CNNM2: variants seen among roughly 807,000 people sequenced by gnomAD.
CNNM2 encodes metal transporter CNNM2.
Under a neutral mutation model 66.9 loss-of-function variants are expected in CNNM2, and 12 were observed. That is an observed-to-expected ratio of 0.18 (90% CI 0.11 to 0.29). CNNM2 has a LOEUF of 0.29. CNNM2 is among the 10% of genes least tolerant of loss of function. The pLI, the probability that CNNM2 is intolerant of heterozygous loss-of-function variation, is 1.00. For synonymous variants in CNNM2, 557 were observed against 501.8 expected, an observed-to-expected ratio of 1.11 and a Z score of -1.47; for missense variants, 705 against 1,167.7, an observed-to-expected ratio of 0.60 and a Z score of 5.77.
intron 1 of CNNM2, among the ~76,000 whole-genome samples, chr10:102,995,172 C>CCCTTT (rs2063971034): frequency 2.0e-4 from 1 of 5,034 alleles, no homozygotes; most frequent in African/African-American, 6.7e-4. Context: ...TCCTCCTCCC[C>CCCTTT]CTCTTCCTCC....
At position 103,078,837 on chromosome 10, in the gene CNNM2, G is replaced by A. The variant is rs557553340; in HGVS notation, c.*1657G>A. The A allele has an allele frequency of 1.3e-3, 195 of 152,552 alleles. No individual in the cohort carries two copies. Among genetic ancestry groups the A allele is most frequent in the Non-Finnish European group, 2.5e-3 (170 of 68,200 alleles). The allele number at this position is 152,552 out of a possible 1,614,324, so 9.4% of individuals were successfully genotyped here. A position where few individuals can be genotyped will look rare whatever the true frequency, so the allele number is the denominator to read the frequency against. Reference sequence around the variant, plus strand: ...GTTCAGCCACGGCTGGGCTGTGTGCGGGGCAGGGAGCGTGGCTGAGGAGCA... The same window carrying A: ...GTTCAGCCACGGCTGGGCTGTGTGCAGGGCAGGGAGCGTGGCTGAGGAGCA... On this transcript the variant is annotated 3_prime_UTR_variant, in exon 8 of 8. Coordinates refer to ENST00000369878, the MANE Select transcript of CNNM2 (RefSeq NM_017649.5).
At chr10:102,937,776 A>G (rs1846291368) in intron 1 of CNNM2, among the ~76,000 whole-genome samples, 1 of 144,206 alleles carries the variant, frequency 6.9e-6, no homozygotes, top group Admixed American at 7.1e-5. Context: ...TTCTGGATGT[A>G]TACAGAAACC....
intron 1 of CNNM2, among the ~76,000 whole-genome samples, chr10:102,983,283 G>T (rs184889002): frequency 6.7e-6 from 1 of 148,964 alleles, no homozygotes; most frequent in East Asian, 1.9e-4. Context: ...GGAATTTTAG[G>T]TCTTAAATGG....
chr10:102,928,664 G>A (rs1234849684), intron 1 of CNNM2, among the ~76,000 whole-genome samples: 1 of 152,106 alleles, frequency 6.6e-6, no homozygotes, highest in Admixed American at 6.6e-5. Flanking sequence ...CTGGCGTCTG[G>A]TGAGAGCCTT....
At chr10:103,076,011 T>C in intron 6 of CNNM2, 75 bp from the exon 7 acceptor site, 1 of 1,366,244 alleles carries the variant, frequency 7.3e-7, no homozygotes, top group Non-Finnish European at 1.0e-6. Context: ...TAGTATTTTT[T>C]ATTTTGGAAA....
intron 4 of CNNM2, among the ~76,000 whole-genome samples, chr10:103,061,276 C>T (rs1299810025): frequency 6.6e-6 from 1 of 151,944 alleles, no homozygotes; most frequent in Non-Finnish European, 1.5e-5. Flanking sequence ...GCCTGTGGTC[C>T]CAGCTACTCA....
Position 102,995,397 on chromosome 10 carries a change from G to A in CNNM2, c.1622-54310G>A, listed in dbSNP as rs370304396. On this transcript the variant is annotated intron_variant, in intron 1 of 7. Coordinates refer to ENST00000369878, the MANE Select transcript of CNNM2 (RefSeq NM_017649.5). ...CCAGCTAATTTTTGTATTTTTAGTG[G>A]TGATAGGGTTTTGCCATGTTGGCCA... 7.3e-5 allele frequency among the ~76,000 whole-genome samples: 11 copies of A among 151,230 alleles called. No homozygotes were observed. In the East Asian group the frequency reaches 1.4e-3, roughly 19 times the overall value.
In CNNM2 at chr10:103,090,025, G is replaced by A; in HGVS notation, c.*12845G>A. Reference sequence around the variant, plus strand: ...GCAATTACATCTATAATGGACCACAGGACAAGTCAATATAGACTTATCTTC... The same window carrying A: ...GCAATTACATCTATAATGGACCACAAGACAAGTCAATATAGACTTATCTTC... On this transcript the variant is annotated 3_prime_UTR_variant, in exon 8 of 8. Coordinates refer to ENST00000369878, the MANE Select transcript of CNNM2 (RefSeq NM_017649.5). 2 of 713,922 alleles carry A rather than the reference G, an allele frequency of 2.8e-6. No homozygotes were observed. Among genetic ancestry groups the A allele is most frequent in the South Asian group, 2.2e-5 (1 of 45,938 alleles). 44.2% of individuals were successfully genotyped at this position (713,922 alleles called of 1,614,324 possible). A position where few individuals can be genotyped will look rare whatever the true frequency, so the allele number is the denominator to read the frequency against.
chr10:102,994,125 C>T (rs1026886669), intron 1 of CNNM2, among the ~76,000 whole-genome samples: 5 of 151,994 alleles, frequency 3.3e-5, no homozygotes, highest in African/African-American at 7.2e-5. Context: ...TTAGTAGAGA[C>T]GGGGTTTCAC....
At chr10:103,009,689 A>C (rs1051494351) in intron 1 of CNNM2, among the ~76,000 whole-genome samples, 14 of 147,738 alleles carry the variant, frequency 9.5e-5, no homozygotes, top group African/African-American at 3.5e-4. Flanking sequence ...AAAAAAAAAA[A>C]AAAAAAAAAG....
chr10:102,958,239 G>A (rs1198577409), intron 1 of CNNM2, among the ~76,000 whole-genome samples: 2 of 151,534 alleles, frequency 1.3e-5, no homozygotes, highest in Non-Finnish European at 2.9e-5. Context: ...CCCGGCCTGA[G>A]CCACTGCACC....
At chr10:102,988,448 G>A (rs1311472264) in intron 1 of CNNM2, among the ~76,000 whole-genome samples, 1 of 152,098 alleles carries the variant, frequency 6.6e-6, no homozygotes, top group East Asian at 1.9e-4. Context: ...TACTACAAAA[G>A]TGCTTTCGTT....
chr10:103,016,930 A>C (rs1421709905), intron 1 of CNNM2, among the ~76,000 whole-genome samples: 1 of 150,114 alleles, frequency 6.7e-6, no homozygotes, highest in Non-Finnish European at 1.5e-5. Context: ...ACTGCAACAT[A>C]GGGCTTTTTT....
At chr10:102,927,449 A>G (rs1441466432) in intron 1 of CNNM2, 2 of 1,608,670 alleles carry the variant, frequency 1.2e-6, no homozygotes, top group South Asian at 1.1e-5. Flanking sequence ...TAGGATGTCT[A>G]TACAGAGGGA....
chr10:103,023,787 T>C (rs567632231), intron 1 of CNNM2, among the ~76,000 whole-genome samples: 2 of 152,334 alleles, frequency 1.3e-5, no homozygotes, highest in African/African-American at 4.8e-5. Flanking sequence ...CCCTAAATAT[T>C]ATTTTGAAAT....
rs2065785972 is a variant in CNNM2 at position 103,084,582 on chromosome 10, C to G, written c.*7402C>G. 1 of 152,190 alleles carries G rather than the reference C, an allele frequency of 6.6e-6. No individual in the cohort carries two copies. The highest frequency in any genetic ancestry group is 2.4e-5 in the African/African-American group (1 of 41,446). The allele number at this position is 152,190 out of a possible 1,614,324, so 9.4% of individuals were successfully genotyped here. On this transcript the variant is annotated 3_prime_UTR_variant, in exon 8 of 8. Coordinates refer to ENST00000369878, the MANE Select transcript of CNNM2 (RefSeq NM_017649.5). The stretch of plus-strand genomic sequence containing the variant: ...TCACTTGGTCTAGATGAGCCCTTAG[C>G]TCAAATCAGGAAATGCTCCAAGGAA...
intron 1 of CNNM2, among the ~76,000 whole-genome samples, chr10:103,020,167 T>TAA (rs2064544306): frequency 2.0e-5 from 3 of 152,086 alleles, no homozygotes; most frequent in African/African-American, 7.2e-5. Context: ...TTTTTTTTTT[T>TAA]CGTCTGAGAC....
At chr10:103,063,773 G>A (rs757971620) in intron 4 of CNNM2, among the ~76,000 whole-genome samples, 24 of 152,074 alleles carry the variant, frequency 1.6e-4, no homozygotes, top group Admixed American at 3.3e-4. Context: ...TCCTGTCCTG[G>A]TTTTTTTGGT....
intron 1 of CNNM2, among the ~76,000 whole-genome samples, chr10:103,030,270 C>T (rs2064798552): frequency 1.3e-5 from 2 of 152,062 alleles, no homozygotes; most frequent in African/African-American, 4.8e-5. Context: ...GAATTTTAAG[C>T]AGAGGAGTAA....
Sources: gnomAD v4.1 joint callset for allele counts (sites outside exome capture counted in the v4.1 genomes callset) on GRCh38, gnomAD v4.1.1 for gene constraint, MANE v1.5 for transcripts, NCBI Gene and HGNC (gene_info 2026-07-23, HGNC 2026-07-21) for gene names.